The following WNT9B variants were observed in gnomAD, a reference collection of about 807,000 sequenced individuals.
WNT9B encodes protein Wnt-9b.
Under a neutral mutation model 30.2 loss-of-function variants are expected in WNT9B, and 12 were observed. The observed-to-expected ratio is 0.40, with a 90% CI of 0.26 to 0.64. WNT9B has a LOEUF of 0.64. Ranked by LOEUF, WNT9B falls within the 30% of genes least tolerant of loss-of-function variation. The pLI, the probability that WNT9B is intolerant of heterozygous loss-of-function variation, is 0.42. For missense variants in WNT9B, 442 were observed against 485.2 expected, an observed-to-expected ratio of 0.91 and a Z score of 0.84; for synonymous variants, 218 against 216.9, an observed-to-expected ratio of 1.01 and a Z score of -0.05.
rs1317830320 is a variant in WNT9B at position 46,876,292 on chromosome 17, A to G, written c.648A>G (p.Ser216=). The G allele has an allele frequency of 6.2e-7, 1 of 1,614,034 alleles. No individual in the cohort carries two copies. The highest frequency in any genetic ancestry group is 1.1e-5 in the South Asian group (1 of 91,064). Reference sequence around the variant, plus strand: ...CCACGTGTAAGTGCCATGGCGTATCAGGCTCCTGTGCCGTGCGCACCTGCT... The same window carrying G: ...CCACGTGTAAGTGCCATGGCGTATCGGGCTCCTGTGCCGTGCGCACCTGCT... ...LRTTCKCHGV[S]GSCAVRTCWK... Residue 216 remains serine (S), a synonymous_variant, in exon 4 of 4, where the codon TCA becomes TCG. Transcript: ENST00000290015.
At chr17:46,839,391 G>T (rs995555088) in intron 1 of WNT9B, among the ~76,000 whole-genome samples, 4 of 152,162 alleles carry the variant, frequency 2.6e-5, no homozygotes, top group African/African-American at 9.7e-5. Flanking sequence ...GCACTGGCGT[G>T]GTGTCCACTT....
At chr17:46,855,982 C>G (rs2084932028) in intron 1 of WNT9B, among the ~76,000 whole-genome samples, 1 of 152,218 alleles carries the variant, frequency 6.6e-6, no homozygotes, top group African/African-American at 2.4e-5. Context: ...TGCCACCATG[C>G]CCGGCCCCCA....
At chr17:46,882,346 A>G (rs981550765), downstream of WNT9B, among the ~76,000 whole-genome samples, 11 of 152,146 alleles carry the variant, frequency 7.2e-5, no homozygotes, top group Middle Eastern at 3.2e-3. Flanking sequence ...AATACCTCTC[A>G]ACTGAGATTT....
chr17:46,874,762 G>C (rs937081381), intron 2 of WNT9B, among the ~76,000 whole-genome samples: 8 of 152,130 alleles, frequency 5.3e-5, no homozygotes, highest in African/African-American at 1.9e-4. Flanking sequence ...ATTTTTAGTA[G>C]AGACGGGGTT....
intron 1 of WNT9B, among the ~76,000 whole-genome samples, chr17:46,862,657 A>C (rs1401595941): frequency 6.6e-6 from 1 of 152,086 alleles, no homozygotes; most frequent in Non-Finnish European, 1.5e-5. Context: ...ATCTTAGCTC[A>C]CTACAACCTC....
chr17:46,870,422 T>C (rs910557399), intron 1 of WNT9B, among the ~76,000 whole-genome samples: 1 of 152,116 alleles, frequency 6.6e-6, no homozygotes, highest in Non-Finnish European at 1.5e-5. Context: ...GGGGTTTGGG[T>C]GTAGACCTGG....
chr17:46,863,385 G>A (rs940380882), intron 1 of WNT9B, among the ~76,000 whole-genome samples: 3 of 152,212 alleles, frequency 2.0e-5, no homozygotes, highest in South Asian at 2.1e-4. Flanking sequence ...CATCTGGACT[G>A]GGAAAGAATG....
At chr17:46,858,560 G>T (rs981146610) in intron 1 of WNT9B, among the ~76,000 whole-genome samples, 1 of 151,950 alleles carries the variant, frequency 6.6e-6, no homozygotes. Flanking sequence ...TTTTGAGTAA[G>T]CCTGGAGCCT....
chr17:46,841,530 A>G (rs957350649), intron 1 of WNT9B, among the ~76,000 whole-genome samples: 17 of 152,246 alleles, frequency 1.1e-4, no homozygotes, highest in Non-Finnish European at 2.2e-4. Context: ...CAACTAAGCC[A>G]TGTCCCAAAT....
chr17:46,873,086 TCA>T (rs61118325), intron 2 of WNT9B, among the ~76,000 whole-genome samples: 15,752 of 139,612 alleles, frequency 0.11, 948 homozygotes, highest in South Asian at 0.19. Flanking sequence ...CTCTGCCTCT[TCA>T]CACACACACA....
intron 1 of WNT9B, among the ~76,000 whole-genome samples, chr17:46,857,453 CA>C (rs1055581762): frequency 3.6e-4 from 44 of 121,256 alleles, no homozygotes; most frequent in African/African-American, 1.4e-3. Context: ...CCAGCCTGGG[CA>C]ACAGAGCAAG....
intron 1 of WNT9B, among the ~76,000 whole-genome samples, chr17:46,834,901 G>A (rs1370704619): frequency 6.6e-6 from 1 of 152,140 alleles, no homozygotes; most frequent in Non-Finnish European, 1.5e-5. Context: ...TCCAAAAAAT[G>A]GCCATTGAGC....
chr17:46,876,295 C>T lies in WNT9B; in HGVS notation c.651C>T (p.Gly217=), dbSNP rs374290309. 4 of 1,614,104 alleles carry T rather than the reference C, an allele frequency of 2.5e-6. No individual in the cohort carries two copies. Among genetic ancestry groups the T allele is most frequent in the Admixed American group, 3.3e-5 (2 of 60,026 alleles). The part of the protein sequence containing the change: ...RTTCKCHGVS[G]SCAVRTCWKQ... Reference sequence around the variant, plus strand: ...CGTGTAAGTGCCATGGCGTATCAGGCTCCTGTGCCGTGCGCACCTGCTGGA... The same window carrying T: ...CGTGTAAGTGCCATGGCGTATCAGGTTCCTGTGCCGTGCGCACCTGCTGGA... The change falls in exon 4 of 4, where the codon GGC becomes GGT. Residue 217 remains glycine, a synonymous_variant. Coordinates refer to ENST00000290015, the MANE Select transcript of WNT9B (RefSeq NM_003396.3).
intron 1 of WNT9B, among the ~76,000 whole-genome samples, chr17:46,866,899 T>C (rs573210231): frequency 4.6e-5 from 7 of 152,150 alleles, no homozygotes; most frequent in East Asian, 1.9e-4. Flanking sequence ...TCTTAGGTGA[T>C]GAGAAAAGCT....
At chr17:46,849,513 G>A (rs546544245), upstream of WNT9B, among the ~76,000 whole-genome samples, 1 of 152,256 alleles carries the variant, frequency 6.6e-6, no homozygotes, top group Non-Finnish European at 1.5e-5. Flanking sequence ...CCTTCTCTCT[G>A]ACTCACACTG....
chr17:46,844,705 T>C (rs986608319), intron 1 of WNT9B, among the ~76,000 whole-genome samples: 9 of 152,224 alleles, frequency 5.9e-5, no homozygotes, highest in African/African-American at 2.2e-4. Context: ...ATGTTGAGAA[T>C]GCCTCTGTGC....
chr17:46,882,044 G>A (rs546395672), downstream of WNT9B, among the ~76,000 whole-genome samples: 1 of 152,230 alleles, frequency 6.6e-6, no homozygotes, highest in African/African-American at 2.4e-5. Flanking sequence ...TAATCCCAGC[G>A]ATTGGAGAGG....
chr17:46,857,572 G>C (rs1054288447), intron 1 of WNT9B, among the ~76,000 whole-genome samples: 1 of 151,976 alleles, frequency 6.6e-6, no homozygotes, highest in African/African-American at 2.4e-5. Context: ...CTCTTTTTGT[G>C]GGTGTATGTT....
In WNT9B at chr17:46,876,943, C is replaced by G; in HGVS notation, c.*225C>G. The G allele has an allele frequency of 7.6e-7, 1 of 1,320,726 alleles. No individual in the cohort carries two copies. Among genetic ancestry groups the G allele is most frequent in the Admixed American group, 3.5e-5 (1 of 28,706 alleles). The allele number at this position is 1,320,726 out of a possible 1,614,324, so 81.8% of individuals were successfully genotyped here. ...GCCTCCTCCCTTAACCCAAGCATCC[C>G]CAACCTTGTTGAGGACTTGGAGAGG... On this transcript the variant is annotated 3_prime_UTR_variant, in exon 4 of 4. Coordinates refer to ENST00000290015, the MANE Select transcript of WNT9B (RefSeq NM_003396.3).
Sources: gnomAD v4.1 joint callset for allele counts (sites outside exome capture counted in the v4.1 genomes callset) on GRCh38, gnomAD v4.1.1 for gene constraint, MANE v1.5 for transcripts, NCBI Gene and HGNC (gene_info 2026-07-23, HGNC 2026-07-21) for gene names.